PGGT1B: variants seen among roughly 807,000 people sequenced by gnomAD.
PGGT1B encodes the protein protein geranylgeranyltransferase type I subunit beta, also known as geranylgeranyl transferase type-1 subunit beta.
Under a neutral mutation model 46.1 loss-of-function variants are expected in PGGT1B, and 30 were observed. The observed-to-expected ratio is 0.65, with a 90% confidence interval of 0.49 to 0.88. The LOEUF (loss-of-function observed/expected upper bound fraction) is 0.88. PGGT1B is among the 40% of genes least tolerant of loss of function. The probability of loss-of-function intolerance (pLI) is 0.00; values close to 1 mark genes in which losing one functional copy is unlikely to be tolerated. For synonymous variants in PGGT1B, 170 were observed against 160.0 expected (o/e 1.06, Z -0.47); for missense variants, 376 against 455.9 (o/e 0.82, Z 1.60).
intron 1 of PGGT1B, among the ~76,000 whole-genome samples, chr5:115,255,518 T>C (rs896848554): frequency 1.2e-4 from 18 of 152,312 alleles, no homozygotes; most frequent in African/African-American, 3.8e-4. Flanking sequence ...TGATTATATT[T>C]ATAGTCAGGT....
chr5:115,254,495 G>C (rs560803238), intron 1 of PGGT1B, among the ~76,000 whole-genome samples: 60 of 151,904 alleles, frequency 3.9e-4, no homozygotes, highest in Non-Finnish European at 8.4e-4. Context: ...GTGGCTTCAT[G>C]TCAGTGCTCA....
chr5:115,241,684 C>T lies in PGGT1B; in HGVS notation c.260-78G>A, dbSNP rs187150766. ...TTCTAAAGCAGTTTAATTACACAAT[C>T]TTTCAGAAACAGACTATTTTAGTCT... On this transcript the variant is annotated intron_variant, in intron 2 of 8. Coordinates refer to ENST00000419445, the MANE Select transcript of PGGT1B (RefSeq NM_005023.4). 794 of 1,021,662 alleles carry T rather than the reference C, an allele frequency of 7.8e-4. 5 individuals are homozygous for T. The Middle Eastern group carries it at 0.015, about 19-fold the overall frequency. 63.3% of individuals were successfully genotyped at this position (1,021,662 alleles called of 1,614,324 possible).
intron 2 of PGGT1B, among the ~76,000 whole-genome samples, chr5:115,242,784 T>C (rs745374100): frequency 2.0e-5 from 3 of 152,096 alleles, no homozygotes; most frequent in African/African-American, 4.8e-5. Flanking sequence ...CTGGTCAACA[T>C]GGTAAAACCA....
Position 115,210,834 on chromosome 5 carries a change from T to C in PGGT1B, c.*1568A>G, listed in dbSNP as rs914913462. On this transcript the variant is annotated 3_prime_UTR_variant, in exon 9 of 9. Transcript: ENST00000419445. Reference sequence around the variant, plus strand: ...ATAACCCATAGACGGATAACATCTGTTATTAAGCTTACTTTTTCCCCCACC... The same window carrying C: ...ATAACCCATAGACGGATAACATCTGCTATTAAGCTTACTTTTTCCCCCACC... 1.3e-5 allele frequency: 2 copies of C among 152,044 alleles called. No individual in the cohort carries two copies. Among genetic ancestry groups the C allele is most frequent in the Admixed American group, 6.6e-5 (1 of 15,254 alleles). 9.4% of individuals were successfully genotyped at this position (152,044 alleles called of 1,614,324 possible). A position where few individuals can be genotyped will look rare whatever the true frequency, so the allele number is the denominator to read the frequency against.
intron 2 of PGGT1B, among the ~76,000 whole-genome samples, chr5:115,244,767 T>G (rs995480943): frequency 4.0e-5 from 6 of 151,736 alleles, no homozygotes; most frequent in Non-Finnish European, 7.4e-5. Context: ...ATTTTTGTAT[T>G]TTTAGTAGAG....
intron 1 of PGGT1B, among the ~76,000 whole-genome samples, chr5:115,258,436 T>A (rs992564336): frequency 6.6e-6 from 1 of 152,244 alleles, no homozygotes; most frequent in Non-Finnish European, 1.5e-5. Flanking sequence ...ATATGACTAT[T>A]CCTGTCACTT....
At chr5:115,224,039 T>C (rs1201524819) in intron 6 of PGGT1B, among the ~76,000 whole-genome samples, 3 of 152,212 alleles carry the variant, frequency 2.0e-5, no homozygotes, top group African/African-American at 7.2e-5. Flanking sequence ...GAAGTGTTAC[T>C]GTCAGTTAAG....
chr5:115,233,099 C>G (rs2127006687), intron 5 of PGGT1B, among the ~76,000 whole-genome samples: 2 of 152,000 alleles, frequency 1.3e-5, no homozygotes, highest in Admixed American at 1.3e-4. Context: ...CAAAGTAACT[C>G]TGAGATGAAA....
chr5:115,256,922 TTC>T (rs1748339731), intron 1 of PGGT1B, among the ~76,000 whole-genome samples: 1 of 152,216 alleles, frequency 6.6e-6, no homozygotes, highest in South Asian at 2.1e-4. Flanking sequence ...ACTTTTTTAC[TTC>T]TTTCAGAGAA....
chr5:115,216,963 A>G lies in PGGT1B; in HGVS notation c.854T>C (p.Ile285Thr). The G allele has an allele frequency of 7.0e-7, 1 of 1,423,912 alleles. No homozygotes were observed. The highest frequency in any genetic ancestry group is 9.9e-7 in the Non-Finnish European group (1 of 1,010,092). The allele number at this position is 1,423,912 out of a possible 1,614,324, so 88.2% of individuals were successfully genotyped here. A position where few individuals can be genotyped will look rare whatever the true frequency, so the allele number is the denominator to read the frequency against. Reference protein sequence around the residue: ...WVGATLKLLKIFQYTNFEKNR... With the variant: ...WVGATLKLLKTFQYTNFEKNR... ...TTTCTCAAAGTTAGTGTATTGGAAA[A>G]TTTTTAGAAGCTGAAATGACATGAC... The change falls in exon 8 of 9, where the codon ATT becomes ACT. Residue 285 changes from isoleucine (I) to threonine (T), a missense_variant. By Grantham distance (89) the Ile-to-Thr change is moderately conservative. This residue lies in a region of PGGT1B where 222 missense variants were observed against 313.6 expected (regional missense o/e 0.71). Transcript: ENST00000419445.
chr5:115,262,533 G>A (rs1748606798), intron 1 of PGGT1B, 179 bp downstream of exon 1: 3 of 669,104 alleles, frequency 4.5e-6, no homozygotes, highest in African/African-American at 3.6e-5. Flanking sequence ...CAGCCTTCCA[G>A]ACCTTCCCAC....
rs866319776 is a variant in PGGT1B at position 115,221,401 on chromosome 5, A to G, written c.843+423T>C. Among the ~76,000 whole-genome samples the G allele has an allele frequency of 2.6e-5, 4 of 152,022 alleles. No individual in the cohort carries two copies. The South Asian group carries it at 8.3e-4, about 31-fold the overall frequency. On this transcript the variant is annotated intron_variant, in intron 7 of 8. Transcript: ENST00000419445. ...AAATAAATAATAAAAAAGTCCTTAC[A>G]TGGTTTTTGAAGAAATGACCCATGG...
rs74677934 is a variant in PGGT1B at position 115,214,885 on chromosome 5, T to C, written c.952+1980A>G. ...AAAATAATTCTCAGTTTTGAGGCAC[T>C]AGAGATATCAAAAATTTCAAGATAT... On this transcript the variant is annotated intron_variant, in intron 8 of 8. Transcript: ENST00000419445. Among the ~76,000 whole-genome samples the C allele has an allele frequency of 9.2e-3, 1,405 of 152,364 alleles. 6 individuals carry two copies. Among genetic ancestry groups the C allele is most frequent in the Middle Eastern group, 0.027 (8 of 294 alleles).
intron 1 of PGGT1B, among the ~76,000 whole-genome samples, chr5:115,260,455 G>A (rs1222899037): frequency 6.6e-6 from 1 of 152,084 alleles, no homozygotes; most frequent in Non-Finnish European, 1.5e-5. Flanking sequence ...CCAATGTACT[G>A]TTTTGTCTTA....
intron 2 of PGGT1B, among the ~76,000 whole-genome samples, chr5:115,251,253 C>T (rs267303): frequency 6.6e-6 from 1 of 151,880 alleles, no homozygotes; most frequent in South Asian, 2.1e-4. Flanking sequence ...TTTTGTGAAC[C>T]CTTGTTATTT....
At chr5:115,241,678 C>T (rs1174940130) in intron 2 of PGGT1B, 72 bp from the exon 3 acceptor site, 4 of 1,095,172 alleles carry the variant, frequency 3.7e-6, no homozygotes, top group Non-Finnish European at 5.3e-6. Flanking sequence ...AGTTTAATTA[C>T]ACAATCTTTC....
At chr5:115,258,784 C>T (rs1324246819) in intron 1 of PGGT1B, among the ~76,000 whole-genome samples, 9 of 152,168 alleles carry the variant, frequency 5.9e-5, no homozygotes, top group Non-Finnish European at 1.2e-4. Context: ...ATCATTTTGT[C>T]TAGTCAGGGG....
In PGGT1B at chr5:115,225,609, T is replaced by C. The variant is rs112567066; in HGVS notation, c.659-3601A>G. Among the ~76,000 whole-genome samples, 445 of 152,172 alleles carry C rather than the reference T, an allele frequency of 2.9e-3. 1 individual carries two copies. Among genetic ancestry groups the C allele is most frequent in the African/African-American group, 0.01 (421 of 41,508 alleles). ...ATAAATAGGTACATAAATAAGTACATCATTTTACAATTAAACACCATATTA... is the reference window on the plus strand; with the variant it reads ...ATAAATAGGTACATAAATAAGTACACCATTTTACAATTAAACACCATATTA... On this transcript the variant is annotated intron_variant, in intron 6 of 8. Coordinates refer to ENST00000419445, the MANE Select transcript of PGGT1B (RefSeq NM_005023.4).
chr5:115,246,214 G>C (rs951783574), intron 2 of PGGT1B, among the ~76,000 whole-genome samples: 2 of 151,892 alleles, frequency 1.3e-5, no homozygotes, highest in Non-Finnish European at 2.9e-5. Flanking sequence ...AAATTAGCCG[G>C]GTGTGGTGGA....
Sources: allele counts gnomAD v4.1 joint callset (sites outside exome capture counted in the v4.1 genomes callset), GRCh38; gene constraint gnomAD v4.1.1; regional missense constraint gnomAD v4.1.1; transcripts MANE v1.5; gene names NCBI Gene and HGNC (gene_info 2026-07-23, HGNC 2026-07-21).